TRAF3: variants seen among roughly 807,000 people sequenced by gnomAD.
TRAF3 encodes the protein TNF receptor-associated factor 3.
A neutral mutation model predicts 62.3 loss-of-function variants in TRAF3; 13 were observed. The observed-to-expected ratio is 0.21, with a 90% CI of 0.14 to 0.33. TRAF3 has a LOEUF of 0.33. Ranked by LOEUF, TRAF3 falls within the 10% of genes least tolerant of loss-of-function variation. The pLI is 1.00. For synonymous variants in TRAF3, 269 were observed against 283.4 expected, an observed-to-expected ratio of 0.95 and a Z score of 0.51; for missense variants, 440 against 741.8, an observed-to-expected ratio of 0.59 and a Z score of 4.73.
intron 2 of TRAF3, among the ~76,000 whole-genome samples, chr14:102,856,238 A>T (rs1887361670): frequency 6.6e-6 from 1 of 152,292 alleles, no homozygotes; most frequent in East Asian, 1.9e-4. Flanking sequence ...TGGCTATTCC[A>T]TAGGCAGAGC....
intron 1 of TRAF3, among the ~76,000 whole-genome samples, chr14:102,818,941 A>T (rs894618543): frequency 2.6e-5 from 4 of 151,716 alleles, no homozygotes; most frequent in Admixed American, 1.3e-4. Context: ...AATAAATACA[A>T]TTTTTTTTGT....
At chr14:102,778,068 G>A (rs1171379792) in intron 1 of TRAF3, among the ~76,000 whole-genome samples, 1 of 150,524 alleles carries the variant, frequency 6.6e-6, no homozygotes, top group Non-Finnish European at 1.5e-5. Context: ...GGGACGGGCG[G>A]CTCAGGGGCT....
Position 102,777,609 on chromosome 14 carries a change from C to A in TRAF3, c.-223C>A, listed in dbSNP as rs1051750. ...CCATGGGGCAGCCCGGGGAGCAGAA[C>A]GCTGCGGACCGCGGCGGAGGACGCG... On this transcript the variant is annotated 5_prime_UTR_variant, in exon 1 of 12. Transcript: ENST00000392745. The A allele has an allele frequency of 2.1e-5, 3 of 143,982 alleles. No individual in the cohort carries two copies. Among genetic ancestry groups the A allele is most frequent in the African/African-American group, 7.5e-5 (3 of 40,242 alleles). The allele number at this position is 143,982 out of a possible 1,614,324, so 8.9% of individuals were successfully genotyped here. A position where few individuals can be genotyped will look rare whatever the true frequency, so the allele number is the denominator to read the frequency against.
At chr14:102,803,012 T>A (rs146047206) in intron 1 of TRAF3, among the ~76,000 whole-genome samples, 1,828 of 152,210 alleles carry the variant, frequency 0.012, 18 homozygotes, top group Non-Finnish European at 0.018. Flanking sequence ...AAAAGCCCCT[T>A]GTAAAACCAT....
chr14:102,876,477 A>G lies in TRAF3; in HGVS notation c.522A>G (p.Glu174=), dbSNP rs1299687137. 3.7e-6 allele frequency: 6 copies of G among 1,614,210 alleles called. No homozygotes were observed. In the South Asian group the frequency reaches 5.5e-5, roughly 15 times the overall value. Residue 174 remains glutamate, a synonymous_variant, in exon 6 of 12, where the codon GAA becomes GAG. Coordinates refer to ENST00000392745, the MANE Select transcript of TRAF3 (RefSeq NM_145725.3). ...TGGAGAAGGCGTGTAAATACCGGGA[A>G]GCCACATGCAGCCACTGCAAGAGTC... ...DHVEKACKYR[E]ATCSHCKSQV...
chr14:102,875,610 T>A lies in TRAF3; in HGVS notation c.298-14T>A, dbSNP rs751559082. The A allele has an allele frequency of 1.9e-6, 3 of 1,605,154 alleles. No homozygotes were observed. In the East Asian group the frequency reaches 6.7e-5, roughly 36 times the overall value. On this transcript the variant is annotated splice_polypyrimidine_tract_variant and intron_variant, in intron 4 of 11. Coordinates refer to ENST00000392745, the MANE Select transcript of TRAF3 (RefSeq NM_145725.3). ...AAATATTAATCCTCCAAAATAATGA[T>A]CTTTCATTTTCAGGTGTTTAAGGAT...
At chr14:102,839,830 G>T (rs1227747327) in intron 2 of TRAF3, among the ~76,000 whole-genome samples, 1 of 152,202 alleles carries the variant, frequency 6.6e-6, no homozygotes, top group Non-Finnish European at 1.5e-5. Flanking sequence ...ATGGGTATAT[G>T]TGGGAACATG....
chr14:102,794,753 C>G (rs1897978023), intron 1 of TRAF3, among the ~76,000 whole-genome samples: 1 of 152,178 alleles, frequency 6.6e-6, no homozygotes, highest in African/African-American at 2.4e-5. Context: ...GTGTGTTACT[C>G]ATTTTCAGTG....
At chr14:102,825,568 C>T (rs1900255591) in intron 1 of TRAF3, among the ~76,000 whole-genome samples, 1 of 152,236 alleles carries the variant, frequency 6.6e-6, no homozygotes, top group South Asian at 2.1e-4. Context: ...GGGACCTTCC[C>T]ACTGCTCGAG....
intron 10 of TRAF3, among the ~76,000 whole-genome samples, chr14:102,900,545 C>T (rs1890242725): frequency 6.6e-6 from 1 of 152,332 alleles, no homozygotes; most frequent in Non-Finnish European, 1.5e-5. Flanking sequence ...ACCCAGGCTT[C>T]TGGTGTCAGT....
chr14:102,868,268 T>C (rs1204568485), intron 2 of TRAF3, among the ~76,000 whole-genome samples: 3 of 152,284 alleles, frequency 2.0e-5, no homozygotes, highest in Non-Finnish European at 4.4e-5. Context: ...GGTGGGAAAC[T>C]CTACACAAGA....
chr14:102,899,669 C>G (rs1226176326), intron 10 of TRAF3, among the ~76,000 whole-genome samples: 1 of 152,124 alleles, frequency 6.6e-6, no homozygotes, highest in African/African-American at 2.4e-5. Context: ...CACTTGGGGT[C>G]TTCTTCTTTC....
intron 6 of TRAF3, 135 bp from the exon 7 acceptor site, chr14:102,886,054 C>T (rs1460529150): frequency 2.2e-5 from 16 of 722,870 alleles, no homozygotes; most frequent in South Asian, 1.2e-4. Context: ...CTCAGCCATA[C>T]GTAATGTGAG....
intron 2 of TRAF3, among the ~76,000 whole-genome samples, chr14:102,840,401 T>G (rs1886308484): frequency 6.6e-6 from 1 of 151,996 alleles, no homozygotes; most frequent in Admixed American, 6.6e-5. Flanking sequence ...TGGATAATTT[T>G]TTATTTTTTT....
At chr14:102,885,383 C>G (rs1281353194) in intron 6 of TRAF3, among the ~76,000 whole-genome samples, 6 of 152,176 alleles carry the variant, frequency 3.9e-5, no homozygotes, top group African/African-American at 1.4e-4. Context: ...AAACCGCTGC[C>G]ACAGTCTTCT....
chr14:102,796,587 A>G (rs560947677), intron 1 of TRAF3, among the ~76,000 whole-genome samples: 3 of 152,176 alleles, frequency 2.0e-5, no homozygotes, highest in Non-Finnish European at 2.9e-5. Flanking sequence ...TGTTCACGCA[A>G]TTCTTCTGCA....
chr14:102,864,192 G>A lies in TRAF3; in HGVS notation c.-17-5993G>A, dbSNP rs1327133584. 3.7e-5 allele frequency among the ~76,000 whole-genome samples: 5 copies of A among 135,980 alleles called. No individual in the cohort carries two copies. In the East Asian group the frequency reaches 8.5e-4, roughly 23 times the overall value. 89.2% of individuals were successfully genotyped at this position (135,980 alleles called of 152,430 possible). On this transcript the variant is annotated intron_variant, in intron 2 of 11. Transcript: ENST00000392745. ...GAGACGGATTCTTGCGCTCTCACCC[G>A]GGCTGGAGTGCAGTGGCGCCATCAC...
At chr14:102,864,775 C>T (rs1373312321) in intron 2 of TRAF3, among the ~76,000 whole-genome samples, 1 of 152,140 alleles carries the variant, frequency 6.6e-6, no homozygotes, top group Admixed American at 6.5e-5. Flanking sequence ...TCCTTGGCAG[C>T]CTTGAGATTC....
chr14:102,893,257 G>T (rs532471860), intron 9 of TRAF3, among the ~76,000 whole-genome samples: 1 of 152,096 alleles, frequency 6.6e-6, no homozygotes, highest in East Asian at 1.9e-4. Context: ...CAGCATAGTG[G>T]CAGGCGCCTA....
Sources: allele counts gnomAD v4.1 joint callset (sites outside exome capture counted in the v4.1 genomes callset), GRCh38; gene constraint gnomAD v4.1.1; transcripts MANE v1.5; gene names NCBI Gene and HGNC (gene_info 2026-07-23, HGNC 2026-07-21).